Variants in ZDHHC14 observed in about 807,000 individuals in gnomAD.
The protein encoded by ZDHHC14 is zDHHC palmitoyltransferase 14.
In ZDHHC14, 16 loss-of-function variants were observed where a neutral mutation model predicts 47.7. That is an observed-to-expected ratio of 0.34 (90% CI 0.23 to 0.51). The LOEUF is 0.51. Among genes scored for constraint, ZDHHC14 ranks in the 20% least tolerant of loss-of-function variants. The probability of loss-of-function intolerance (pLI) is 0.97; values close to 1 mark genes in which losing one functional copy is unlikely to be tolerated. For synonymous variants in ZDHHC14, 293 were observed against 278.9 expected, an observed-to-expected ratio of 1.05 and a Z score of -0.50; for missense variants, 515 against 662.5, an observed-to-expected ratio of 0.78 and a Z score of 2.44.
At chr6:157,566,079 T>G (rs1782890004) in intron 2 of ZDHHC14, among the ~76,000 whole-genome samples, 1 of 152,208 alleles carries the variant, frequency 6.6e-6, no homozygotes, top group South Asian at 2.1e-4. Flanking sequence ...TAAAAGGCAC[T>G]TTTCTTAGAG....
At chr6:157,607,446 C>T (rs1379277662) in intron 3 of ZDHHC14, among the ~76,000 whole-genome samples, 4 of 152,356 alleles carry the variant, frequency 2.6e-5, no homozygotes, top group South Asian at 2.1e-4. Flanking sequence ...CTTCCTCTCT[C>T]TCTTCCTCTT....
intron 2 of ZDHHC14, among the ~76,000 whole-genome samples, chr6:157,550,657 C>T (rs1387145384): frequency 6.6e-6 from 1 of 152,222 alleles, no homozygotes; most frequent in Non-Finnish European, 1.5e-5. Flanking sequence ...ATTCTAGCGA[C>T]CACAGTGTTT....
chr6:157,450,760 T>C (rs1778784945), intron 1 of ZDHHC14, among the ~76,000 whole-genome samples: 1 of 152,210 alleles, frequency 6.6e-6, no homozygotes, highest in Non-Finnish European at 1.5e-5. Context: ...AGTCACTGGC[T>C]AAGGCAAGTG....
intron 1 of ZDHHC14, among the ~76,000 whole-genome samples, chr6:157,466,396 C>T (rs1779217462): frequency 6.6e-6 from 1 of 152,218 alleles, no homozygotes; most frequent in Non-Finnish European, 1.5e-5. Flanking sequence ...TGTGGATTCC[C>T]AGGGTTTAGG....
At chr6:157,640,077 G>A (rs1777176088) in intron 5 of ZDHHC14, among the ~76,000 whole-genome samples, 2 of 152,180 alleles carry the variant, frequency 1.3e-5, no homozygotes, top group Non-Finnish European at 2.9e-5. Context: ...GATTCGCGGA[G>A]GCCAAAACCC....
intron 2 of ZDHHC14, among the ~76,000 whole-genome samples, chr6:157,544,675 C>CA (rs35632599): frequency 0.59 from 89,309 of 151,508 alleles, 27,764 homozygotes; most frequent in African/African-American, 0.81. Flanking sequence ...CAACAACAAC[C>CA]AAAAAATAGA....
At chr6:157,537,816 C>T (rs965432556) in intron 1 of ZDHHC14, among the ~76,000 whole-genome samples, 9 of 152,162 alleles carry the variant, frequency 5.9e-5, no homozygotes, top group Admixed American at 3.9e-4. Context: ...CATCTGAGCT[C>T]GGACTAAGAA....
chr6:157,514,635 AGGCCCCTGAG>A (rs1157319153), intron 1 of ZDHHC14, among the ~76,000 whole-genome samples: 1 of 152,232 alleles, frequency 6.6e-6, no homozygotes, highest in African/African-American at 2.4e-5. Context: ...TAACTGTAAC[AGGCCCCTGAG>A]GCAAGAGATG....
chr6:157,430,311 T>TAA (rs67359917), intron 1 of ZDHHC14, among the ~76,000 whole-genome samples: 83 of 96,296 alleles, frequency 8.6e-4, no homozygotes, highest in African/African-American at 1.9e-3. Flanking sequence ...CAAGACTGTG[T>TAA]AAAAAAAAAA....
intron 8 of ZDHHC14, among the ~76,000 whole-genome samples, chr6:157,666,708 C>A (rs1393122067): frequency 6.6e-6 from 1 of 152,202 alleles, no homozygotes; most frequent in African/African-American, 2.4e-5. Context: ...CTTTTAGTAG[C>A]ATCTGTACAC....
chr6:157,387,906 A>C (rs1327558448), intron 1 of ZDHHC14, among the ~76,000 whole-genome samples: 1 of 152,204 alleles, frequency 6.6e-6, no homozygotes, highest in South Asian at 2.1e-4. Context: ...ACCTCTGTAC[A>C]TTAATAAAAA....
At chr6:157,515,210 A>G (rs1257454421) in intron 1 of ZDHHC14, among the ~76,000 whole-genome samples, 1 of 152,136 alleles carries the variant, frequency 6.6e-6, no homozygotes, top group East Asian at 1.9e-4. Context: ...ACAGTTGAGC[A>G]TATCGCTGGT....
chr6:157,628,624 C>T, intron 4 of ZDHHC14, 138 bp downstream of exon 4: 1 of 1,165,572 alleles, frequency 8.6e-7, no homozygotes, highest in South Asian at 1.5e-5. Flanking sequence ...TCCTCACTTC[C>T]AGCCTGCCTC....
intron 8 of ZDHHC14, among the ~76,000 whole-genome samples, chr6:157,671,290 A>G (rs1778783002): frequency 6.6e-6 from 1 of 152,142 alleles, no homozygotes; most frequent in Non-Finnish European, 1.5e-5. Context: ...TTTCATCTGT[A>G]AGGTCTTGAT....
chr6:157,441,673 T>TA (rs905579038), intron 1 of ZDHHC14, among the ~76,000 whole-genome samples: 1 of 152,030 alleles, frequency 6.6e-6, no homozygotes, highest in Non-Finnish European at 1.5e-5. Flanking sequence ...ACCCTGTCTC[T>TA]AAAAAAATTC....
At chr6:157,394,289 C>T (rs1006325154) in intron 1 of ZDHHC14, among the ~76,000 whole-genome samples, 1 of 152,210 alleles carries the variant, frequency 6.6e-6, no homozygotes, top group African/African-American at 2.4e-5. Context: ...GACACTTTTC[C>T]CATGAAAAGG....
At chr6:157,468,867 G>A (rs897882579) in intron 1 of ZDHHC14, among the ~76,000 whole-genome samples, 2 of 152,156 alleles carry the variant, frequency 1.3e-5, no homozygotes, top group Admixed American at 6.5e-5. Context: ...AAAATTTGAC[G>A]CTCAGACGTG....
intron 5 of ZDHHC14, among the ~76,000 whole-genome samples, chr6:157,639,881 T>C (rs1321849959): frequency 6.6e-6 from 1 of 152,180 alleles, no homozygotes; most frequent in Non-Finnish European, 1.5e-5. Context: ...ATCTAAAAGA[T>C]AACACACATG....
Position 157,423,821 on chromosome 6 carries a change from G to T in ZDHHC14, c.245+41555G>T, listed in dbSNP as rs537667446. ...ATCTGTGGATTTGGAGGATGGCATCGTGTAGGAGCTCATTGGAAAAGCAGA... is the reference window on the plus strand; with the variant it reads ...ATCTGTGGATTTGGAGGATGGCATCTTGTAGGAGCTCATTGGAAAAGCAGA... On this transcript the variant is annotated intron_variant, in intron 1 of 8. Coordinates refer to ENST00000359775, the MANE Select transcript of ZDHHC14 (RefSeq NM_024630.3). Among the ~76,000 whole-genome samples the T allele has an allele frequency of 3.0e-4, 45 of 152,288 alleles. No homozygotes were observed. The Middle Eastern group carries it at 0.017, about 58-fold the overall frequency.
Sources: allele counts gnomAD v4.1 joint callset (sites outside exome capture counted in the v4.1 genomes callset), GRCh38; gene constraint gnomAD v4.1.1; transcripts MANE v1.5; gene names NCBI Gene and HGNC (gene_info 2026-07-23, HGNC 2026-07-21).